DPYSL5: variants seen among roughly 807,000 people sequenced by gnomAD.
The protein encoded by DPYSL5 is dihydropyrimidinase like 5, also known as dihydropyrimidinase-related protein 5.
DPYSL5 carries 9 observed loss-of-function variants against 58.4 expected under a neutral mutation model. The ratio of observed to expected loss-of-function variants is 0.15; its 90% CI spans 0.09 to 0.27. The LOEUF (loss-of-function observed/expected upper bound fraction) is 0.27. DPYSL5 is among the 10% of genes least tolerant of loss of function. The probability of loss-of-function intolerance (pLI) is 1.00; values close to 1 mark genes in which losing one functional copy is unlikely to be tolerated. For missense variants in DPYSL5, 499 were observed against 770.6 expected, an observed-to-expected ratio of 0.65 and a Z score of 4.17; for synonymous variants, 293 against 301.9, an observed-to-expected ratio of 0.97 and a Z score of 0.31.
intron 1 of DPYSL5, among the ~76,000 whole-genome samples, chr2:26,889,877 C>T (rs1045745430): frequency 3.9e-5 from 6 of 152,116 alleles, no homozygotes; most frequent in Non-Finnish European, 7.4e-5. Context: ...CAACGTCCTC[C>T]CTTTGTTGAG....
chr2:26,867,513 T>G (rs1663124740), intron 1 of DPYSL5, among the ~76,000 whole-genome samples: 1 of 148,074 alleles, frequency 6.8e-6, no homozygotes, highest in South Asian at 2.1e-4. Context: ...TGGAGTGCGG[T>G]GGCGGGATCT....
At chr2:26,932,459 G>A (rs943278446) in intron 6 of DPYSL5, among the ~76,000 whole-genome samples, 2 of 152,196 alleles carry the variant, frequency 1.3e-5, no homozygotes, top group Non-Finnish European at 2.9e-5. Flanking sequence ...TCCTCCTAAT[G>A]TGATAAGCAA....
At position 26,942,131 on chromosome 2, in the gene DPYSL5, G is replaced by T. The variant is rs755567069; in HGVS notation, c.1232+39G>T. The T allele has an allele frequency of 1.2e-6, 2 of 1,608,016 alleles. No individual in the cohort carries two copies. The highest frequency in any genetic ancestry group is 1.3e-5 in the African/African-American group (1 of 74,448). ...CTCGTCCCCAGGGCTAGAGGGGCTT[G>T]GGATTTTGAAGAAGACTTGCATTAC... On this transcript the variant is annotated intron_variant, in intron 10 of 12. Transcript: ENST00000288699. This position sits in a 1 kb window ranked among gnomAD's most constrained non-coding sequence, Gnocchi z 5.9.
intron 2 of DPYSL5, among the ~76,000 whole-genome samples, chr2:26,903,689 GACCTTGCTGGTCTTTCTTATTTGC>G (rs11267969): frequency 0.39 from 58,789 of 151,642 alleles, 11,837 homozygotes; most frequent in Admixed American, 0.54. Flanking sequence ...GTCTTGTTTT[GACCTTGCTGGTCTTTCTTATTTGC>G]ACCTTGCTGG....
chr2:26,929,823 G>T (rs1664926683), intron 5 of DPYSL5, among the ~76,000 whole-genome samples: 1 of 152,186 alleles, frequency 6.6e-6, no homozygotes, highest in Admixed American at 6.5e-5. Flanking sequence ...ATCCCCTACA[G>T]TCCCCCTGCT....
intron 2 of DPYSL5, among the ~76,000 whole-genome samples, chr2:26,914,231 T>A (rs1664508835): frequency 6.6e-6 from 1 of 152,210 alleles, no homozygotes; most frequent in Non-Finnish European, 1.5e-5. Context: ...GAAGATTAGA[T>A]GGGAGAGTAC....
rs1553321171 is a variant in DPYSL5, at chr2:26,932,208, A to ACAG, written c.714+524_714+525insCAG. Among the ~76,000 whole-genome samples the ACAG allele has an allele frequency of 8.4e-4, 59 of 70,220 alleles. 1 individual carries two copies. The highest frequency in any genetic ancestry group is 6.8e-3 in the Middle Eastern group (1 of 146). 46.1% of individuals were successfully genotyped at this position (70,220 alleles called of 152,430 possible). ...GAAAGAAAGAAAGAAAGAAAGAAAG[A>ACAG]AAAGAAAGAAAGAAAGAAAGAAAGA... On this transcript the variant is annotated intron_variant, in intron 6 of 12. Transcript: ENST00000288699.
intron 1 of DPYSL5, among the ~76,000 whole-genome samples, chr2:26,884,334 A>G (rs1455664744): frequency 1.3e-5 from 2 of 152,016 alleles, no homozygotes; most frequent in South Asian, 4.1e-4. Context: ...GGATTTACTC[A>G]CACTTACTTT....
chr2:26,863,054 G>A (rs540229060), intron 1 of DPYSL5, among the ~76,000 whole-genome samples: 2 of 152,254 alleles, frequency 1.3e-5, no homozygotes, highest in East Asian at 3.9e-4. Flanking sequence ...AACACAGCGG[G>A]AGGAGAGGCT....
intron 1 of DPYSL5, among the ~76,000 whole-genome samples, chr2:26,888,011 A>G (rs1021049175): frequency 2.6e-5 from 4 of 152,198 alleles, no homozygotes; most frequent in African/African-American, 7.2e-5. Flanking sequence ...TGTAAACATC[A>G]TAAGATCCCT....
chr2:26,899,624 C>T (rs1028544556), intron 2 of DPYSL5, among the ~76,000 whole-genome samples: 8 of 152,144 alleles, frequency 5.3e-5, no homozygotes, highest in Admixed American at 3.9e-4. Context: ...CCTGGCACAG[C>T]TTGATGGACC....
chr2:26,947,070 G>T lies in DPYSL5; in HGVS notation c.*75G>T. Reference sequence around the variant, plus strand: ...CAACTCTCCAGCCGAAGCTGCAGGGGCAGGAGAGGCTGGGCTGGGTGGCAC... The same window carrying T: ...CAACTCTCCAGCCGAAGCTGCAGGGTCAGGAGAGGCTGGGCTGGGTGGCAC... On this transcript the variant is annotated 3_prime_UTR_variant, in exon 13 of 13. Transcript: ENST00000288699. The surrounding 1 kb of genome is among the most constrained non-coding windows in gnomAD (Gnocchi z 4.2). 2.3e-6 allele frequency: 3 copies of T among 1,331,184 alleles called. No individual in the cohort carries two copies. The highest frequency in any genetic ancestry group is 2.5e-5 in the East Asian group (1 of 40,396). The allele number at this position is 1,331,184 out of a possible 1,614,324, so 82.5% of individuals were successfully genotyped here.
chr2:26,892,148 C>T (rs1663896867), intron 1 of DPYSL5, among the ~76,000 whole-genome samples: 1 of 152,216 alleles, frequency 6.6e-6, no homozygotes, highest in Admixed American at 6.5e-5. Context: ...ATCCCTCCCC[C>T]TGGATTTTTA....
intron 12 of DPYSL5, among the ~76,000 whole-genome samples, chr2:26,946,391 C>G (rs542827178): frequency 6.6e-6 from 1 of 152,300 alleles, no homozygotes; most frequent in East Asian, 1.9e-4. Flanking sequence ...CCCTTTCCCT[C>G]CCTTTGTGTT....
intron 1 of DPYSL5, among the ~76,000 whole-genome samples, chr2:26,890,323 G>A (rs952455706): frequency 1.3e-5 from 2 of 152,186 alleles, no homozygotes; most frequent in Non-Finnish European, 2.9e-5. Context: ...TGAAGTTATA[G>A]AACACTTTAG....
At chr2:26,936,710 G>C (rs774927598) in intron 8 of DPYSL5, among the ~76,000 whole-genome samples, 13 of 151,826 alleles carry the variant, frequency 8.6e-5, no homozygotes, top group African/African-American at 1.9e-4. Flanking sequence ...CCAGCACTTT[G>C]GGAGGCGGAG....
chr2:26,865,430 C>T (rs1471440176), intron 1 of DPYSL5, among the ~76,000 whole-genome samples: 2 of 151,122 alleles, frequency 1.3e-5, no homozygotes, highest in South Asian at 2.1e-4. Flanking sequence ...AAGCAATTCT[C>T]CTGCCTCAGC....
intron 1 of DPYSL5, among the ~76,000 whole-genome samples, chr2:26,850,767 A>G (rs1446856608): frequency 2.0e-5 from 3 of 152,154 alleles, no homozygotes; most frequent in African/African-American, 7.2e-5. Context: ...ATAGCTGTCA[A>G]AGTGAAGGCC....
intron 1 of DPYSL5, among the ~76,000 whole-genome samples, chr2:26,864,951 G>A (rs186897137): frequency 6.0e-4 from 91 of 152,246 alleles, no homozygotes; most frequent in African/African-American, 2.0e-3. Context: ...CAGAAATGAG[G>A]AGACCTTGTC....
Sources: gnomAD v4.1 joint callset for allele counts (sites outside exome capture counted in the v4.1 genomes callset) on GRCh38, gnomAD v4.1.1 for gene constraint, Gnocchi (gnomAD v3.1) non-coding constraint, MANE v1.5 for transcripts, NCBI Gene and HGNC (gene_info 2026-07-23, HGNC 2026-07-21) for gene names.